The following SEC24B variants were observed in gnomAD, a reference collection of about 807,000 sequenced individuals.
The protein encoded by SEC24B is SEC24 homolog B, COPII component, also known as protein transport protein Sec24B.
SEC24B carries 45 observed loss-of-function variants against 142.8 expected under a neutral mutation model. The ratio of observed to expected loss-of-function variants is 0.32; its 90% confidence interval spans 0.25 to 0.40. The LOEUF is 0.40. Among genes scored for constraint, SEC24B ranks in the 10% least tolerant of loss-of-function variants. The probability of loss-of-function intolerance (pLI) is 1.00; values close to 1 mark genes in which losing one functional copy is unlikely to be tolerated. For missense variants in SEC24B, 1,409 were observed against 1,526.8 expected, an observed-to-expected ratio of 0.92 and a Z score of 1.29; for synonymous variants, 574 against 568.2, an observed-to-expected ratio of 1.01 and a Z score of -0.15.
chr4:109,509,023 A>G (rs1737021908), intron 7 of SEC24B, among the ~76,000 whole-genome samples: 1 of 152,182 alleles, frequency 6.6e-6, no homozygotes, highest in African/African-American at 2.4e-5. Context: ...AATGAAGAAA[A>G]ATAAATCAGA....
intron 23 of SEC24B, among the ~76,000 whole-genome samples, chr4:109,539,267 T>A (rs142132812): frequency 0.014 from 2,110 of 150,864 alleles, 24 homozygotes; most frequent in African/African-American, 0.036. Context: ...CGGCCAATTT[T>A]AAAAATTTTT....
intron 5 of SEC24B, among the ~76,000 whole-genome samples, chr4:109,492,391 G>T (rs1203063597): frequency 1.3e-5 from 2 of 152,096 alleles, no homozygotes; most frequent in Non-Finnish European, 2.9e-5. Context: ...TAGAAGAGTT[G>T]CTTCATTTAC....
chr4:109,462,358 G>T (rs938863562), intron 1 of SEC24B, among the ~76,000 whole-genome samples: 6 of 152,192 alleles, frequency 3.9e-5, no homozygotes, highest in Non-Finnish European at 7.4e-5. Flanking sequence ...GCCTAGCTAG[G>T]TGGTTCTGGC....
At chr4:109,522,485 T>G (rs1459946702) in intron 14 of SEC24B, among the ~76,000 whole-genome samples, 17 of 152,256 alleles carry the variant, frequency 1.1e-4, no homozygotes, top group Admixed American at 1.1e-3. Context: ...AGTGTCTAGT[T>G]AAAGGTTAAA....
intron 7 of SEC24B, among the ~76,000 whole-genome samples, chr4:109,509,223 T>G (rs1456941570): frequency 6.6e-6 from 1 of 152,166 alleles, no homozygotes; most frequent in Non-Finnish European, 1.5e-5. Flanking sequence ...AACAAGCTTT[T>G]TGTGTTCAAG....
intron 3 of SEC24B, among the ~76,000 whole-genome samples, chr4:109,477,877 A>G (rs1336801775): frequency 1.3e-5 from 2 of 152,230 alleles, no homozygotes. Flanking sequence ...AGGTTGTAAA[A>G]TATTTTATTG....
chr4:109,513,930 T>C (rs1386913868), intron 10 of SEC24B, 74 bp downstream of exon 10: 4 of 949,508 alleles, frequency 4.2e-6, no homozygotes, highest in Admixed American at 1.9e-5. Context: ...TTAAGTGAAC[T>C]CTTATCGAGA....
intron 18 of SEC24B, among the ~76,000 whole-genome samples, chr4:109,529,374 TAATTATGCCATAACC>T (rs1724640670): frequency 6.6e-6 from 1 of 152,182 alleles, no homozygotes; most frequent in African/African-American, 2.4e-5. Flanking sequence ...GATTTTGAAT[TAATTATGCCATAACC>T]AATTGTTTTT....
intron 4 of SEC24B, among the ~76,000 whole-genome samples, chr4:109,486,392 T>C (rs1339716277): frequency 6.6e-6 from 1 of 152,238 alleles, no homozygotes; most frequent in Non-Finnish European, 1.5e-5. Flanking sequence ...TGCTTGTCTT[T>C]TAGAGACAGA....
chr4:109,490,524 T>TTTATTTTA (rs898521747), intron 4 of SEC24B, among the ~76,000 whole-genome samples: 1 of 152,080 alleles, frequency 6.6e-6, no homozygotes, highest in African/African-American at 2.4e-5. Context: ...ATGCAGATTT[T>TTTATTTTA]TTATTTTATT....
At chr4:109,525,179 A>G (rs1578984787) in intron 15 of SEC24B, among the ~76,000 whole-genome samples, 167 bp from the exon 16 acceptor site, 1 of 152,052 alleles carries the variant, frequency 6.6e-6, no homozygotes, top group South Asian at 2.1e-4. Flanking sequence ...AAACTTTATC[A>G]TATATTTTAT....
chr4:109,472,164 TAC>T (rs929124189), intron 2 of SEC24B, among the ~76,000 whole-genome samples: 7 of 152,196 alleles, frequency 4.6e-5, no homozygotes, highest in Non-Finnish European at 7.4e-5. Context: ...TTTACATATA[TAC>T]ACACACACTA....
chr4:109,525,614 C>A, intron 16 of SEC24B, 110 bp downstream of exon 16: 1 of 635,232 alleles, frequency 1.6e-6, no homozygotes, highest in Non-Finnish European at 2.5e-6. Context: ...TGTTTGATCT[C>A]ATTAGCTATA....
rs116091976 is a variant in SEC24B, at chr4:109,449,112, C to T, written c.134-13789C>T. Among the ~76,000 whole-genome samples the T allele has an allele frequency of 7.1e-3, 1,083 of 152,288 alleles. 13 individuals carry two copies. The highest frequency in any genetic ancestry group is 0.024 in the African/African-American group (983 of 41,554). On this transcript the variant is annotated intron_variant, in intron 1 of 23. Coordinates refer to ENST00000265175, the MANE Select transcript of SEC24B (RefSeq NM_006323.5). ...TCTTATTGAGTCATTTCAGGGTTTA[C>T]GTGATACCAGCTTGTTTTATTACTG...
intron 5 of SEC24B, among the ~76,000 whole-genome samples, chr4:109,492,717 A>T (rs1735141943): frequency 1.3e-5 from 2 of 152,148 alleles, no homozygotes; most frequent in Non-Finnish European, 2.9e-5. Context: ...TAGAAATATT[A>T]TTCTTTCCTG....
chr4:109,483,003 C>CACACACACACACATAT (rs1408633373), intron 4 of SEC24B, among the ~76,000 whole-genome samples: 26 of 84,070 alleles, frequency 3.1e-4, no homozygotes, highest in African/African-American at 1.8e-3. Flanking sequence ...CACACACACA[C>CACACACACACACATAT]ATATTATACA....
chr4:109,498,380 C>A (rs1219651732), intron 6 of SEC24B, among the ~76,000 whole-genome samples: 2 of 152,032 alleles, frequency 1.3e-5, no homozygotes, highest in Admixed American at 1.3e-4. Context: ...TATTTTGAGA[C>A]GGAGTCTTGC....
intron 4 of SEC24B, among the ~76,000 whole-genome samples, chr4:109,491,056 T>C (rs1372812678): frequency 7.0e-6 from 1 of 143,716 alleles, no homozygotes; most frequent in African/African-American, 2.4e-5. Flanking sequence ...CTAGTTTTAA[T>C]AGTTTAATAT....
intron 22 of SEC24B, 102 bp from the exon 23 acceptor site, chr4:109,538,391 G>C (rs1725789342): frequency 1.4e-6 from 1 of 704,224 alleles, no homozygotes; most frequent in Non-Finnish European, 2.5e-6. Context: ...CTAAGAAATA[G>C]AGTGCTGGCA....
Sources: allele counts gnomAD v4.1 joint callset (sites outside exome capture counted in the v4.1 genomes callset), GRCh38; gene constraint gnomAD v4.1.1; transcripts MANE v1.5; gene names NCBI Gene and HGNC (gene_info 2026-07-23, HGNC 2026-07-21).